Variants in CEP128 observed in about 807,000 individuals in gnomAD.
CEP128 encodes the protein centrosomal protein 128.
CEP128 carries 132 observed loss-of-function variants against 156.7 expected under a neutral mutation model. The ratio of observed to expected loss-of-function variants is 0.84; its 90% CI spans 0.73 to 0.97. The LOEUF is 0.97. CEP128 is among the 50% of genes least tolerant of loss of function. The probability of loss-of-function intolerance (pLI) is 0.00; values close to 1 mark genes in which losing one functional copy is unlikely to be tolerated. For synonymous variants in CEP128, 469 were observed against 448.9 expected (o/e 1.04, Z -0.57); for missense variants, 1,252 against 1,281.9 (o/e 0.98, Z 0.36).
intron 23 of CEP128, among the ~76,000 whole-genome samples, chr14:80,516,016 C>G (rs1888470460): frequency 6.6e-6 from 1 of 152,154 alleles, no homozygotes; most frequent in Non-Finnish European, 1.5e-5. Flanking sequence ...CAGGTGCACA[C>G]CATCACACCT....
chr14:80,945,264 C>T (rs1379799473), upstream of CEP128, among the ~76,000 whole-genome samples: 1 of 152,098 alleles, frequency 6.6e-6, no homozygotes, highest in East Asian at 1.9e-4. Flanking sequence ...GTAACGACAC[C>T]CGTTATCTTG....
chr14:80,541,304 A>T (rs1889745996), intron 21 of CEP128, among the ~76,000 whole-genome samples: 1 of 152,142 alleles, frequency 6.6e-6, no homozygotes, highest in Non-Finnish European at 1.5e-5. Flanking sequence ...GTATGGAGAA[A>T]AAAAGATTTT....
chr14:80,944,822 C>CAAAAAAAAGAAAAAAAAAAAA (rs1886291721), upstream of CEP128, among the ~76,000 whole-genome samples: 1 of 34,650 alleles, frequency 2.9e-5, no homozygotes, highest in Non-Finnish European at 5.8e-5. Flanking sequence ...GAGTCTGTCT[C>CAAAAAAAAGAAAAAAAAAAAA]AAAAAAAAAA....
intron 19 of CEP128, among the ~76,000 whole-genome samples, chr14:80,638,780 T>C (rs1362586391): frequency 1.3e-5 from 2 of 152,186 alleles, no homozygotes; most frequent in Non-Finnish European, 2.9e-5. Flanking sequence ...GTTGACTAAG[T>C]AGTCTGAACA....
chr14:80,499,800 A>G (rs1170843298), intron 24 of CEP128, among the ~76,000 whole-genome samples: 1 of 152,204 alleles, frequency 6.6e-6, no homozygotes, highest in East Asian at 1.9e-4. Context: ...GGAGCTATAC[A>G]TAGTGACTAG....
At chr14:80,586,594 GA>G (rs1249772973) in intron 19 of CEP128, among the ~76,000 whole-genome samples, 1 of 152,070 alleles carries the variant, frequency 6.6e-6, no homozygotes, top group African/African-American at 2.4e-5. Flanking sequence ...AGAAACAAAA[GA>G]AAACTTCATT....
intron 4 of CEP128, among the ~76,000 whole-genome samples, chr14:80,913,250 A>G (rs1412553230): frequency 2.0e-5 from 3 of 152,218 alleles, no homozygotes; most frequent in Admixed American, 1.3e-4. Flanking sequence ...TGTGTGTACA[A>G]TAATGGTCAC....
chr14:80,487,007 C>T (rs936466735), downstream of CEP128, among the ~76,000 whole-genome samples: 3 of 151,942 alleles, frequency 2.0e-5, no homozygotes, highest in Admixed American at 1.3e-4. Context: ...AATGACAGGA[C>T]CAAATACATA....
At chr14:80,920,037 TGTTAAACTAA>T (rs1181208828) in intron 2 of CEP128, among the ~76,000 whole-genome samples, 4 of 152,170 alleles carry the variant, frequency 2.6e-5, no homozygotes, top group African/African-American at 9.7e-5. Context: ...GTTTCATAAA[TGTTAAACTAA>T]GTAAAATTTT....
At chr14:80,860,809 T>G (rs1055228556) in intron 9 of CEP128, among the ~76,000 whole-genome samples, 10 of 152,062 alleles carry the variant, frequency 6.6e-5, no homozygotes, top group Non-Finnish European at 1.3e-4. Flanking sequence ...TGTTCCTAAT[T>G]TTCAATTAAC....
At chr14:80,751,275 GATTTT>G (rs1899378088) in intron 18 of CEP128, among the ~76,000 whole-genome samples, 3 of 152,066 alleles carry the variant, frequency 2.0e-5, no homozygotes, top group Non-Finnish European at 4.4e-5. Context: ...ACTATAGTTA[GATTTT>G]TTTTATGAAT....
At chr14:80,585,742 T>A (rs1891792560) in intron 19 of CEP128, among the ~76,000 whole-genome samples, 1 of 152,224 alleles carries the variant, frequency 6.6e-6, no homozygotes, top group Non-Finnish European at 1.5e-5. Context: ...CCAGTGTTAC[T>A]CTGTGTGTCT....
chr14:80,923,438 T>C lies in CEP128; in HGVS notation c.-15-6876A>G, dbSNP rs542496796. Among the ~76,000 whole-genome samples, 99 of 152,338 alleles carry C rather than the reference T, an allele frequency of 6.5e-4. 1 individual carries two copies. Among genetic ancestry groups the C allele is most frequent in the Middle Eastern group, 3.4e-3 (1 of 294 alleles). ...TTGTCTTCATTATAATGATGCACAT[T>C]TGTATGTATGAGAGCTGTAATTTAT... On this transcript the variant is annotated intron_variant, in intron 2 of 24. Coordinates refer to ENST00000555265, the MANE Select transcript of CEP128 (RefSeq NM_152446.5).
intron 19 of CEP128, among the ~76,000 whole-genome samples, chr14:80,678,727 T>G (rs532886511): frequency 6.6e-6 from 1 of 152,070 alleles, no homozygotes; most frequent in African/African-American, 2.4e-5. Flanking sequence ...GGAGTTAACA[T>G]GGTGAGAGGC....
chr14:80,686,553 T>C (rs898982130), intron 19 of CEP128, among the ~76,000 whole-genome samples: 4 of 152,042 alleles, frequency 2.6e-5, no homozygotes, highest in African/African-American at 9.7e-5. Flanking sequence ...ATCATGATGA[T>C]AGAATCAAAT....
intron 19 of CEP128, among the ~76,000 whole-genome samples, chr14:80,601,885 T>C (rs1296390860): frequency 1.3e-5 from 2 of 152,134 alleles, no homozygotes; most frequent in East Asian, 1.9e-4. Context: ...CACATAACTG[T>C]AATTACATTA....
intron 19 of CEP128, among the ~76,000 whole-genome samples, chr14:80,685,572 T>C (rs1193041051): frequency 6.6e-6 from 1 of 152,110 alleles, no homozygotes; most frequent in Admixed American, 6.6e-5. Flanking sequence ...CCAGTGTCAC[T>C]TGTTCACATA....
intron 11 of CEP128, among the ~76,000 whole-genome samples, chr14:80,837,662 G>A (rs1886151412): frequency 6.6e-6 from 1 of 152,178 alleles, no homozygotes; most frequent in Non-Finnish European, 1.5e-5. Context: ...GTTGTGGTGA[G>A]CCAAGATTGC....
chr14:80,689,290 CAAAAAAAAAAAAAA>C (rs57054840), intron 19 of CEP128, among the ~76,000 whole-genome samples: 60 of 96,648 alleles, frequency 6.2e-4, no homozygotes, highest in Non-Finnish European at 1.1e-3. Context: ...GACTCCGTCT[CAAAAAAAAAAAAAA>C]AAAAAAAAAA....
Sources: allele counts gnomAD v4.1 joint callset (sites outside exome capture counted in the v4.1 genomes callset), GRCh38; gene constraint gnomAD v4.1.1; transcripts MANE v1.5; gene names NCBI Gene and HGNC (gene_info 2026-07-23, HGNC 2026-07-21).